Variants in AGAP1 observed in about 807,000 individuals in gnomAD.
AGAP1 encodes ArfGAP with GTPase domain, ankyrin repeat and PH domain 1.
Under a neutral mutation model 105.3 loss-of-function variants are expected in AGAP1, and 29 were observed. The ratio of observed to expected loss-of-function variants is 0.28; its 90% CI spans 0.21 to 0.38. The LOEUF (loss-of-function observed/expected upper bound fraction) is 0.38. AGAP1 is among the 10% of genes least tolerant of loss of function. AGAP1 has a pLI of 1.00. For missense variants in AGAP1, 998 were observed against 1,165.1 expected (o/e 0.86, Z 2.09); for synonymous variants, 509 against 485.9 (o/e 1.05, Z -0.63).
At chr2:235,942,537 C>T (rs1453422220) in intron 12 of AGAP1, among the ~76,000 whole-genome samples, 1 of 151,886 alleles carries the variant, frequency 6.6e-6, no homozygotes, top group Non-Finnish European at 1.5e-5. Flanking sequence ...AGTAGCCAGG[C>T]ATGGTGGAAC....
intron 1 of AGAP1, among the ~76,000 whole-genome samples, chr2:235,499,799 A>T (rs1941488058): frequency 6.6e-6 from 1 of 152,118 alleles, no homozygotes; most frequent in Admixed American, 6.6e-5. Flanking sequence ...GAGGTCTGGA[A>T]GCTGGTTGAG....
rs2149691585 is a variant in AGAP1, at chr2:235,747,039, C to T, written c.538+2200C>T. 6.6e-6 allele frequency among the ~76,000 whole-genome samples: 1 copy of T among 152,208 alleles called. No homozygotes were observed. Among genetic ancestry groups the T allele is most frequent in the East Asian group, 1.9e-4 (1 of 5,168 alleles). On this transcript the variant is annotated intron_variant, in intron 5 of 17. Coordinates refer to ENST00000304032, the MANE Select transcript of AGAP1 (RefSeq NM_001037131.3). The surrounding 1 kb of genome is among the most constrained non-coding windows in gnomAD (Gnocchi z 5.0). ...ACTTTGGTGGGGTTCAACAGGAATT[C>T]CCAGAAGACACTCAGTGCATCCGTG...
At chr2:236,034,044 C>A (rs970212010) in intron 13 of AGAP1, among the ~76,000 whole-genome samples, 1 of 152,170 alleles carries the variant, frequency 6.6e-6, no homozygotes, top group Non-Finnish European at 1.5e-5. Context: ...TCCTTATGAT[C>A]TAACTGTGAG....
chr2:235,940,699 C>A (rs962024231), intron 12 of AGAP1, among the ~76,000 whole-genome samples: 21 of 152,210 alleles, frequency 1.4e-4, no homozygotes, highest in African/African-American at 4.8e-4. Flanking sequence ...CACAAGTGGT[C>A]ATCCTGCCCC....
Position 235,994,478 on chromosome 2 carries a change from A to AGG in AGAP1, c.1645+25859_1645+25860dup, listed in dbSNP as rs570940731. 6.4e-4 allele frequency among the ~76,000 whole-genome samples: 97 copies of AGG among 152,282 alleles called. No individual in the cohort carries two copies. The highest frequency in any genetic ancestry group is 1.1e-3 in the Non-Finnish European group (76 of 68,040). The stretch of plus-strand genomic sequence containing the variant: ...GTTACTTGTTGATAGGACAGCGTTA[A>AGG]GGGGGTCGTTTCTTTCTGGTTTGAA... On this transcript the variant is annotated intron_variant, in intron 13 of 17. Transcript: ENST00000304032. The surrounding 1 kb of genome is among the most constrained non-coding windows in gnomAD (Gnocchi z 4.4).
rs1947743273 is a variant in AGAP1, at chr2:235,655,497, T to C, written c.164-53682T>C. 6.6e-6 allele frequency among the ~76,000 whole-genome samples: 1 copy of C among 152,194 alleles called. No individual in the cohort carries two copies. ...TCATTGCCTCATGGGCTCTCTAGTC[T>C]TACTTTTGATCCCTTTTCCTGTATT... On this transcript the variant is annotated intron_variant, in intron 1 of 17. Transcript: ENST00000304032. The surrounding 1 kb of genome is among the most constrained non-coding windows in gnomAD (Gnocchi z 4.3).
rs1164778856 is a variant in AGAP1, at chr2:235,981,205, G to A, written c.1645+12582G>A. On this transcript the variant is annotated intron_variant, in intron 13 of 17. Transcript: ENST00000304032. This position sits in a 1 kb window ranked among gnomAD's most constrained non-coding sequence, Gnocchi z 5.5. ...CCTGTGGTCACTAAGCTTATATGAG[G>A]GACGAGAGCCGTAGCATTGCTCCAG... Among the ~76,000 whole-genome samples the A allele has an allele frequency of 6.6e-6, 1 of 152,012 alleles. No individual in the cohort carries two copies. The highest frequency in any genetic ancestry group is 1.5e-5 in the Non-Finnish European group (1 of 68,004).
chr2:235,966,741 G>A (rs563992674), intron 12 of AGAP1, among the ~76,000 whole-genome samples: 65 of 152,146 alleles, frequency 4.3e-4, no homozygotes, highest in African/African-American at 1.4e-3. Context: ...CACCCTCTTC[G>A]CAGGAGGAGC....
intron 1 of AGAP1, among the ~76,000 whole-genome samples, chr2:235,542,221 G>GGT (rs1553562540): frequency 1.4e-5 from 2 of 145,950 alleles, no homozygotes; most frequent in East Asian, 1.9e-4. Flanking sequence ...GGGTCCCGGG[G>GGT]GGGGGCCAGT....
At chr2:235,895,315 G>A (rs768447674) in intron 10 of AGAP1, among the ~76,000 whole-genome samples, 8 of 151,382 alleles carry the variant, frequency 5.3e-5, no homozygotes, top group Non-Finnish European at 1.2e-4. Flanking sequence ...GTTGATGTCC[G>A]TGCCCCTGCT....
chr2:235,938,246 C>T (rs1033450778), intron 12 of AGAP1, among the ~76,000 whole-genome samples: 1 of 152,234 alleles, frequency 6.6e-6, no homozygotes, highest in Non-Finnish European at 1.5e-5. Context: ...GAGCCTTACC[C>T]GCTTCAGATG....
rs909879598 is a variant in AGAP1, at chr2:236,080,964, G to A, written c.2114+31683G>A. Reference sequence around the variant, plus strand: ...TTGTCTTAACCGTATCTGCAGTTAGGTTGCCATGTAAGGTCACATAGTCAC... The same window carrying A: ...TTGTCTTAACCGTATCTGCAGTTAGATTGCCATGTAAGGTCACATAGTCAC... On this transcript the variant is annotated intron_variant, in intron 16 of 17. Transcript: ENST00000304032. This position sits in a 1 kb window ranked among gnomAD's most constrained non-coding sequence, Gnocchi z 4.2. Among the ~76,000 whole-genome samples the A allele has an allele frequency of 6.6e-6, 1 of 152,164 alleles. No individual in the cohort carries two copies. Among genetic ancestry groups the A allele is most frequent in the Non-Finnish European group, 1.5e-5 (1 of 68,036 alleles).
At chr2:236,065,207 T>A (rs1238112850) in intron 16 of AGAP1, among the ~76,000 whole-genome samples, 2 of 152,158 alleles carry the variant, frequency 1.3e-5, no homozygotes, top group East Asian at 3.9e-4. Context: ...TTCCTGACGT[T>A]CCCACTTGTG....
rs2056273427 is a variant in AGAP1, at chr2:236,005,110, A to G, written c.1646-31451A>G. On this transcript the variant is annotated intron_variant, in intron 13 of 17. Coordinates refer to ENST00000304032, the MANE Select transcript of AGAP1 (RefSeq NM_001037131.3). The surrounding 1 kb of genome is among the most constrained non-coding windows in gnomAD (Gnocchi z 4.1). ...GGCTTCCCACCACTTCCCCCTGACA[A>G]GTTTCCCATGTTTTTTGTGTGTGTG... Among the ~76,000 whole-genome samples, 1 of 149,310 alleles carries G rather than the reference A, an allele frequency of 6.7e-6. No individual in the cohort carries two copies. The highest frequency in any genetic ancestry group is 1.5e-5 in the Non-Finnish European group (1 of 67,504).
rs1299290451 is a variant in AGAP1, at chr2:235,843,933, A to G, written c.1050+36602A>G. On this transcript the variant is annotated intron_variant, in intron 9 of 17. Transcript: ENST00000304032. The surrounding 1 kb of genome is among the most constrained non-coding windows in gnomAD (Gnocchi z 5.9). Reference sequence around the variant, plus strand: ...CCGAGAAAGGAGCCTGCTTCCCAGCATGGCCTCACATTGTCATCAGTGTCA... The same window carrying G: ...CCGAGAAAGGAGCCTGCTTCCCAGCGTGGCCTCACATTGTCATCAGTGTCA... Among the ~76,000 whole-genome samples, 2 of 152,192 alleles carry G rather than the reference A, an allele frequency of 1.3e-5. No individual in the cohort carries two copies. Among genetic ancestry groups the G allele is most frequent in the African/African-American group, 2.4e-5 (1 of 41,446 alleles).
rs1953300372 is a variant in AGAP1, at chr2:235,750,026, C to T, written c.539-328C>T. Among the ~76,000 whole-genome samples, 1 of 152,112 alleles carries T rather than the reference C, an allele frequency of 6.6e-6. No homozygotes were observed. The highest frequency in any genetic ancestry group is 2.1e-4 in the South Asian group (1 of 4,820). On this transcript the variant is annotated intron_variant, in intron 5 of 17. Transcript: ENST00000304032. This position sits in a 1 kb window ranked among gnomAD's most constrained non-coding sequence, Gnocchi z 5.3. ...ACCTGCGTGGTGCACAGAAGGGGGC[C>T]TGCACATAGGGACTGTGTGTGTGGT...
chr2:235,930,917 A>G lies in AGAP1; in HGVS notation c.1477A>G (p.Ser493Gly). Reference protein sequence around the residue: ...EATVIANSAISSDTGLGDSVC... With the variant: ...EATVIANSAIGSDTGLGDSVC... ...TACGGTCATTGCAAACTCGGCCATC[A>G]GCAGTGGTAAGAGGGGGCTCAGCCC... Residue 493 changes from serine to glycine, a missense_variant, in exon 12 of 18, where the codon AGC becomes GGC. Ser to Gly is a moderately conservative substitution (Grantham distance 56). Coordinates refer to ENST00000304032, the MANE Select transcript of AGAP1 (RefSeq NM_001037131.3). The surrounding 1 kb of genome is among the most constrained non-coding windows in gnomAD (Gnocchi z 7.9). The G allele has an allele frequency of 6.2e-7, 1 of 1,613,658 alleles. No individual in the cohort carries two copies. The highest frequency in any genetic ancestry group is 1.1e-5 in the South Asian group (1 of 91,036).
At position 236,035,238 on chromosome 2, in the gene AGAP1, A is replaced by G. The variant is rs1306317317; in HGVS notation, c.1646-1323A>G. Among the ~76,000 whole-genome samples the G allele has an allele frequency of 6.6e-6, 1 of 152,200 alleles. No individual in the cohort carries two copies. Among genetic ancestry groups the G allele is most frequent in the Non-Finnish European group, 1.5e-5 (1 of 68,026 alleles). On this transcript the variant is annotated intron_variant, in intron 13 of 17. Transcript: ENST00000304032. This position sits in a 1 kb window ranked among gnomAD's most constrained non-coding sequence, Gnocchi z 4.2. ...GGCAGGTAGGTGAAAGTCAGTACTA[A>G]TAATAGTTGCTCGCCAGGGGATTAT...
intron 11 of AGAP1, among the ~76,000 whole-genome samples, chr2:235,921,449 T>C (rs2052178997): frequency 6.6e-6 from 1 of 152,226 alleles, no homozygotes; most frequent in Admixed American, 6.5e-5. Flanking sequence ...TTTTGCCAAG[T>C]ATATTTTAAC....
Sources: gnomAD v4.1 joint callset for allele counts (sites outside exome capture counted in the v4.1 genomes callset) on GRCh38, gnomAD v4.1.1 for gene constraint, Gnocchi (gnomAD v3.1) non-coding constraint, MANE v1.5 for transcripts, NCBI Gene and HGNC (gene_info 2026-07-23, HGNC 2026-07-21) for gene names.